The following XKR9 variants were observed in gnomAD, a reference collection of about 807,000 sequenced individuals.
XKR9 encodes XK related 9.
XKR9 carries 32 observed loss-of-function variants against 32.0 expected under a neutral mutation model. The ratio of observed to expected loss-of-function variants is 1.00; its 90% CI spans 0.76 to 1.34. The LOEUF is 1.34. XKR9 is among the 40% of genes most tolerant of loss of function. The pLI, the probability that XKR9 is intolerant of heterozygous loss-of-function variation, is 0.00. For synonymous variants in XKR9, 168 were observed against 143.4 expected (o/e 1.17, Z -1.22); for missense variants, 546 against 429.7 (o/e 1.27, Z -2.39).
chr8:70,781,252 C>T (rs1807612084), intron 2 of XKR9, among the ~76,000 whole-genome samples: 1 of 151,954 alleles, frequency 6.6e-6, no homozygotes, highest in African/African-American at 2.4e-5. Flanking sequence ...ATCTGTTATC[C>T]ATTTTAAATT....
chr8:70,845,431 G>T, the XKR9 span, among the ~76,000 whole-genome samples: 1 of 152,054 alleles, frequency 6.6e-6, no homozygotes, highest in African/African-American at 2.4e-5. Context: ...TCTCTGCAAA[G>T]GATTCCAACA....
chr8:70,816,176 G>A, the XKR9 span, among the ~76,000 whole-genome samples: 1 of 152,096 alleles, frequency 6.6e-6, no homozygotes, highest in Non-Finnish European at 1.5e-5. Flanking sequence ...AATAGAGAAC[G>A]CAGAAATAAA....
At chr8:70,755,263 G>A (rs577063186) in intron 2 of XKR9, among the ~76,000 whole-genome samples, 3 of 152,206 alleles carry the variant, frequency 2.0e-5, no homozygotes, top group South Asian at 2.1e-4. Flanking sequence ...GAAACAACAG[G>A]TGCTGGAGAG....
At chr8:70,916,091 T>A in the XKR9 span, among the ~76,000 whole-genome samples, 1 of 152,156 alleles carries the variant, frequency 6.6e-6, no homozygotes, top group Non-Finnish European at 1.5e-5. Flanking sequence ...AGAAACTTGA[T>A]CTCAGGCCAT....
At chr8:70,695,432 G>GT (rs1312373033) in intron 3 of XKR9, among the ~76,000 whole-genome samples, 6 of 148,370 alleles carry the variant, frequency 4.0e-5, no homozygotes, top group African/African-American at 1.5e-4. Context: ...GCAGTGTTTG[G>GT]TTTTTTGTCC....
the XKR9 span, among the ~76,000 whole-genome samples, chr8:70,943,206 A>AT: frequency 6.6e-6 from 1 of 152,188 alleles, no homozygotes; most frequent in Non-Finnish European, 1.5e-5. Flanking sequence ...TCATTCATTC[A>AT]TTGAAGTGTT....
intron 3 of XKR9, among the ~76,000 whole-genome samples, chr8:70,689,450 A>G (rs1819431001): frequency 6.7e-6 from 1 of 148,602 alleles, no homozygotes; most frequent in South Asian, 2.1e-4. Flanking sequence ...GCAAATATAT[A>G]TATATATATG....
the XKR9 span, among the ~76,000 whole-genome samples, chr8:71,032,541 A>G: frequency 1.3e-5 from 2 of 152,126 alleles, no homozygotes; most frequent in Admixed American, 1.3e-4. Flanking sequence ...GACATAATAC[A>G]CCATATAGTA....
At chr8:70,770,833 C>T (rs1249429782) in intron 2 of XKR9, among the ~76,000 whole-genome samples, 1 of 152,204 alleles carries the variant, frequency 6.6e-6, no homozygotes, top group Non-Finnish European at 1.5e-5. Context: ...AGCCTGTGAT[C>T]TTAACTTGTT....
At chr8:70,893,437 A>G in the XKR9 span, among the ~76,000 whole-genome samples, 1 of 152,208 alleles carries the variant, frequency 6.6e-6, no homozygotes, top group South Asian at 2.1e-4. Flanking sequence ...CCCTGGATTC[A>G]TGCTTATGCA....
intron 2 of XKR9, among the ~76,000 whole-genome samples, chr8:70,755,647 A>G (rs1807211674): frequency 1.3e-5 from 2 of 151,566 alleles, no homozygotes; most frequent in Admixed American, 1.3e-4. Context: ...TTCTCAGTAA[A>G]CTATCGGAAG....
chr8:70,714,753 C>T (rs927310320), intron 4 of XKR9, among the ~76,000 whole-genome samples: 2 of 151,898 alleles, frequency 1.3e-5, no homozygotes, highest in Non-Finnish European at 1.5e-5. Context: ...TTGTTGATGT[C>T]TTATTTAGTG....
At chr8:70,943,950 AT>A in the XKR9 span, among the ~76,000 whole-genome samples, 2 of 152,148 alleles carry the variant, frequency 1.3e-5, no homozygotes, top group African/African-American at 4.8e-5. Context: ...ACATGTGAAT[AT>A]TTTTAAAAAT....
intron 3 of XKR9, among the ~76,000 whole-genome samples, chr8:70,692,541 T>C (rs1047747119): frequency 6.6e-5 from 10 of 152,114 alleles, no homozygotes; most frequent in Non-Finnish European, 1.3e-4. Flanking sequence ...TTCGGTATGA[T>C]GTTGGCTGTG....
the XKR9 span, among the ~76,000 whole-genome samples, chr8:70,862,349 G>A: frequency 6.6e-6 from 1 of 152,048 alleles, no homozygotes; most frequent in South Asian, 2.1e-4. Context: ...GCTTATTAGA[G>A]CAACTAAGGT....
the XKR9 span, among the ~76,000 whole-genome samples, chr8:70,847,740 G>A: frequency 6.6e-6 from 1 of 151,934 alleles, no homozygotes; most frequent in Non-Finnish European, 1.5e-5. Flanking sequence ...ATAAATTCCT[G>A]TATACATTCA....
chr8:70,718,498 A>G (rs1316861184), intron 4 of XKR9, among the ~76,000 whole-genome samples: 1 of 151,890 alleles, frequency 6.6e-6, no homozygotes, highest in African/African-American at 2.4e-5. Context: ...CAGGCCCCAG[A>G]GTGTGATGAT....
chr8:70,997,836 A>G, the XKR9 span, among the ~76,000 whole-genome samples: 2 of 152,252 alleles, frequency 1.3e-5, no homozygotes, highest in African/African-American at 4.8e-5. Flanking sequence ...GGATGAGGAA[A>G]AAAAATATTA....
At chr8:70,920,705 T>A in the XKR9 span, among the ~76,000 whole-genome samples, 1,173 of 152,172 alleles carry the variant, frequency 7.7e-3, 5 homozygotes, top group Non-Finnish European at 0.01. Flanking sequence ...TATTTTTTAT[T>A]TTTTTCCTTT....
Sources: allele counts gnomAD v4.1 joint callset (sites outside exome capture counted in the v4.1 genomes callset), GRCh38; gene constraint gnomAD v4.1.1; transcripts MANE v1.5; gene names NCBI Gene and HGNC (gene_info 2026-07-23, HGNC 2026-07-21).